MPDZ: variants seen among roughly 807,000 people sequenced by gnomAD.
The protein encoded by MPDZ is multiple PDZ domain protein.
In MPDZ, 234 loss-of-function variants were observed where a neutral mutation model predicts 239.1. That is an observed-to-expected ratio of 0.98 (90% CI 0.88 to 1.09). The LOEUF (loss-of-function observed/expected upper bound fraction) is 1.09, where lower values mean the gene tolerates loss of function less well. Among genes scored for constraint, MPDZ ranks in the 50% least tolerant of loss-of-function variants. The pLI is 0.00. For synonymous variants in MPDZ, 1,048 were observed against 881.3 expected, an observed-to-expected ratio of 1.19 and a Z score of -3.35; for missense variants, 3,175 against 2,510.0, an observed-to-expected ratio of 1.26 and a Z score of -5.66.
chr9:13,114,100 C>A, intron 40 of MPDZ, 79 bp from the exon 41 acceptor site: 2 of 1,099,004 alleles, frequency 1.8e-6, no homozygotes, highest in Non-Finnish European at 2.7e-6. Flanking sequence ...AGAATTTAAT[C>A]TAGAGACAGA....
chr9:13,115,915 A>AG (rs562116925), intron 39 of MPDZ, among the ~76,000 whole-genome samples: 37 of 141,336 alleles, frequency 2.6e-4, no homozygotes, highest in African/African-American at 7.9e-4. Flanking sequence ...ACTGCACTCC[A>AG]CCTGGGTGAC....
intron 8 of MPDZ, among the ~76,000 whole-genome samples, chr9:13,218,321 G>A (rs1207768109): frequency 6.6e-6 from 1 of 151,740 alleles, no homozygotes; most frequent in African/African-American, 2.4e-5. Context: ...AGACTTATGC[G>A]AGTGCTATTT....
chr9:13,222,867 C>T (rs1282162117), intron 5 of MPDZ, among the ~76,000 whole-genome samples: 1 of 147,970 alleles, frequency 6.8e-6, no homozygotes, highest in Non-Finnish European at 1.5e-5. Context: ...TAGATTAGAT[C>T]CCCAACTGGG....
intron 1 of MPDZ, among the ~76,000 whole-genome samples, chr9:13,268,469 T>G (rs1314703983): frequency 6.6e-6 from 1 of 152,290 alleles, no homozygotes; most frequent in African/African-American, 2.4e-5. Context: ...CCTCTGTCAC[T>G]GAAGCATATG....
chr9:13,137,918 A>G, intron 29 of MPDZ, 39 bp downstream of exon 29: 1 of 1,596,590 alleles, frequency 6.3e-7, no homozygotes. Context: ...TTACCCTTAT[A>G]AAACAAGAAT....
intron 17 of MPDZ, among the ~76,000 whole-genome samples, chr9:13,188,451 G>A (rs1954437338): frequency 6.6e-6 from 1 of 152,074 alleles, no homozygotes; most frequent in African/African-American, 2.4e-5. Context: ...CTAGGAGGTG[G>A]AGACTGCAAT....
intron 22 of MPDZ, chr9:13,165,554 A>G (rs1950976953): frequency 1.3e-6 from 1 of 752,184 alleles, no homozygotes; most frequent in Non-Finnish European, 2.1e-6. Flanking sequence ...CCTCCCTCCC[A>G]TCTACACCTC....
At chr9:13,241,428 G>A (rs981757395) in intron 3 of MPDZ, among the ~76,000 whole-genome samples, 4 of 151,994 alleles carry the variant, frequency 2.6e-5, no homozygotes, top group Non-Finnish European at 5.9e-5. Flanking sequence ...TATTTCTTTC[G>A]TTCTGTCCTC....
intron 32 of MPDZ, among the ~76,000 whole-genome samples, chr9:13,131,959 T>C (rs2132055304): frequency 6.6e-6 from 1 of 152,334 alleles, no homozygotes; most frequent in Non-Finnish European, 1.5e-5. Flanking sequence ...TAATTGCCTC[T>C]TCTGTCTAGC....
At chr9:13,174,539 T>G (rs910666464) in intron 21 of MPDZ, among the ~76,000 whole-genome samples, 4 of 152,114 alleles carry the variant, frequency 2.6e-5, no homozygotes, top group African/African-American at 9.7e-5. Flanking sequence ...GATATTGAGA[T>G]GTAAAAAGAA....
At chr9:13,229,532 T>C (rs1305676280) in intron 3 of MPDZ, among the ~76,000 whole-genome samples, 6 of 146,770 alleles carry the variant, frequency 4.1e-5, no homozygotes, top group South Asian at 2.1e-4. Context: ...AAAAAAAAGA[T>C]AAAAATACCT....
intron 13 of MPDZ, among the ~76,000 whole-genome samples, chr9:13,193,823 C>T (rs937996377): frequency 2.0e-5 from 3 of 152,112 alleles, no homozygotes; most frequent in African/African-American, 7.2e-5. Flanking sequence ...CATTTTCACA[C>T]AGAATCCAAT....
At chr9:13,246,538 G>A (rs1444350423) in intron 3 of MPDZ, among the ~76,000 whole-genome samples, 6 of 152,110 alleles carry the variant, frequency 3.9e-5, no homozygotes, top group South Asian at 2.1e-4. Context: ...TCATGATCAC[G>A]ACTTTTAAAA....
chr9:13,150,248 C>T (rs1194516296), intron 25 of MPDZ, among the ~76,000 whole-genome samples: 1 of 151,768 alleles, frequency 6.6e-6, no homozygotes, highest in Admixed American at 6.6e-5. Context: ...AACATATAAT[C>T]TGTCATTATA....
intron 18 of MPDZ, among the ~76,000 whole-genome samples, chr9:13,184,409 G>A (rs965640742): frequency 3.3e-5 from 5 of 151,570 alleles, no homozygotes; most frequent in Non-Finnish European, 7.4e-5. Context: ...AATTCCATAT[G>A]TTCTAATTTT....
chr9:13,252,354 T>C (rs751852089), intron 1 of MPDZ, among the ~76,000 whole-genome samples: 5 of 151,420 alleles, frequency 3.3e-5, no homozygotes, highest in Non-Finnish European at 7.4e-5. Context: ...GATCACGAGG[T>C]CAGGAGATCC....
chr9:13,224,391 TA>T lies in MPDZ; in HGVS notation c.375del (p.Ile126SerfsTer10). On this transcript the variant is annotated frameshift_variant, in exon 4 of 47. Transcript: ENST00000319217. LOFTEE classifies it high-confidence loss of function. ...GKPACDEFDQ[L>X]IKNMAQGRHV... is the part of the protein sequence containing the mutation. ...GTTCTTACCTGGGCCATATTTTTGA[TA>T]AGCTGATCAAATTCATCACAAGCAG... 1 of 1,612,184 alleles carries T rather than the reference TA, an allele frequency of 6.2e-7. No homozygotes were observed. Among genetic ancestry groups the T allele is most frequent in the Non-Finnish European group, 8.5e-7 (1 of 1,178,892 alleles).
At position 13,279,603 on chromosome 9, in the gene MPDZ, A is replaced by G. The variant is rs1975229664; in HGVS notation, c.-261T>C. ...CTTAATCCCGCGGTGGCCCGACGCCAGCCTAGCGCTCCGCCGCGCCCCCTC... is the reference window on the plus strand; with the variant it reads ...CTTAATCCCGCGGTGGCCCGACGCCGGCCTAGCGCTCCGCCGCGCCCCCTC... On this transcript the variant is annotated 5_prime_UTR_variant, in exon 1 of 47. Transcript: ENST00000319217. The G allele has an allele frequency of 6.7e-6, 1 of 149,572 alleles. No homozygotes were observed. The highest frequency in any genetic ancestry group is 2.1e-4 in the South Asian group (1 of 4,820). The allele number at this position is 149,572 out of a possible 1,614,324, so 9.3% of individuals were successfully genotyped here.
In MPDZ at chr9:13,221,399, G is replaced by A. The variant is rs748108822; in HGVS notation, c.849C>T (p.Thr283=). The change falls in exon 7 of 47, where the codon ACC becomes ACT. Residue 283 remains threonine, a synonymous_variant. Coordinates refer to ENST00000319217, the MANE Select transcript of MPDZ (RefSeq NM_001378778.1). ...GATCAGCTACTCCTCCAGGCAGAAT[G>A]GTTTTTACTATCACACCAGTTGCTT... is the stretch of plus-strand genomic sequence containing the variant. ...GGKATGVIVK[T]ILPGGVADQH... The A allele has an allele frequency of 4.3e-5, 69 of 1,609,848 alleles. No individual in the cohort carries two copies. Among genetic ancestry groups the A allele is most frequent in the Non-Finnish European group, 5.8e-5 (68 of 1,177,600 alleles).
Sources: allele counts gnomAD v4.1 joint callset (sites outside exome capture counted in the v4.1 genomes callset), GRCh38; gene constraint gnomAD v4.1.1; transcripts MANE v1.5; gene names NCBI Gene and HGNC (gene_info 2026-07-23, HGNC 2026-07-21).